The following UBE2E2 variants were observed in gnomAD, a reference collection of about 807,000 sequenced individuals.
The protein encoded by UBE2E2 is ubiquitin-conjugating enzyme E2 E2.
Under a neutral mutation model 24.7 loss-of-function variants are expected in UBE2E2, and 6 were observed. The observed-to-expected ratio is 0.24, with a 90% CI of 0.13 to 0.48. The LOEUF (loss-of-function observed/expected upper bound fraction) is 0.48. UBE2E2 is among the 20% of genes least tolerant of loss of function. The pLI, the probability that UBE2E2 is intolerant of heterozygous loss-of-function variation, is 0.99. For synonymous variants in UBE2E2, 104 were observed against 83.6 expected, an observed-to-expected ratio of 1.24 and a Z score of -1.33; for missense variants, 169 against 245.0, an observed-to-expected ratio of 0.69 and a Z score of 2.07.
chr3:23,373,275 A>C (rs1696440798), intron 3 of UBE2E2, among the ~76,000 whole-genome samples: 1 of 152,170 alleles, frequency 6.6e-6, no homozygotes, highest in Non-Finnish European at 1.5e-5. Flanking sequence ...CGGCTGGCTC[A>C]AATTCTGGAG....
chr3:23,271,574 A>G lies in UBE2E2; in HGVS notation c.227+54262A>G, dbSNP rs570635045. ...TATGGAGAGCTGATTGGTCCATTTT[A>G]CAGAGAGCTGATTGGTCCATTTTGA... is the stretch of plus-strand genomic sequence containing the variant. On this transcript the variant is annotated intron_variant, in intron 3 of 5. Transcript: ENST00000396703. Among the ~76,000 whole-genome samples, 19 of 152,198 alleles carry G rather than the reference A, an allele frequency of 1.2e-4. No individual in the cohort carries two copies. The East Asian group carries it at 3.5e-3, about 28-fold the overall frequency.
intron 5 of UBE2E2, among the ~76,000 whole-genome samples, chr3:23,579,427 A>T (rs1293116725): frequency 6.7e-6 from 1 of 148,676 alleles, no homozygotes; most frequent in South Asian, 2.1e-4. Context: ...GTGGTGACTC[A>T]TATCTGTAAT....
intron 5 of UBE2E2, among the ~76,000 whole-genome samples, chr3:23,538,325 A>G (rs1449287623): frequency 2.0e-5 from 3 of 152,170 alleles, no homozygotes; most frequent in South Asian, 4.1e-4. Flanking sequence ...ACTCTAATCA[A>G]TACTTCCAAA....
chr3:23,570,908 G>A (rs563418317), intron 5 of UBE2E2, among the ~76,000 whole-genome samples: 2 of 152,276 alleles, frequency 1.3e-5, no homozygotes, highest in East Asian at 3.9e-4. Flanking sequence ...TGCATTATTA[G>A]CATCTTCTTT....
rs567879546 is a variant in UBE2E2 at position 23,444,073 on chromosome 3, T to TG, written c.228-55535_228-55534insG. Among the ~76,000 whole-genome samples, 130 of 151,658 alleles carry TG rather than the reference T, an allele frequency of 8.6e-4. 1 individual carries two copies. The highest frequency in any genetic ancestry group is 2.9e-3 in the African/African-American group (118 of 41,254). Reference sequence around the variant, plus strand: ...TTTTCTTCACCAGTTTTGTTTTTTTTTTTTTTTTTGCCAGCTTGTGTTGCT... The same window carrying TG: ...TTTTCTTCACCAGTTTTGTTTTTTTTGTTTTTTTTTGCCAGCTTGTGTTGCT... On this transcript the variant is annotated intron_variant, in intron 3 of 5. Transcript: ENST00000396703.
At chr3:23,505,078 GTT>G (rs57451477) in intron 4 of UBE2E2, among the ~76,000 whole-genome samples, 73,431 of 139,076 alleles carry the variant, frequency 0.53, 19,261 homozygotes, top group East Asian at 0.73. Context: ...GCTAATTTTT[GTT>G]TTTTTTTTTG....
chr3:23,292,584 T>A (rs966742211), intron 3 of UBE2E2, among the ~76,000 whole-genome samples: 1 of 152,144 alleles, frequency 6.6e-6, no homozygotes, highest in Non-Finnish European at 1.5e-5. Context: ...GCAACAATTC[T>A]CAGTACTTCA....
intron 3 of UBE2E2, among the ~76,000 whole-genome samples, chr3:23,322,649 T>A (rs550771462): frequency 6.6e-6 from 1 of 152,074 alleles, no homozygotes; most frequent in Non-Finnish European, 1.5e-5. Flanking sequence ...ATCATTTTGA[T>A]GAAGTAATTA....
At chr3:23,243,876 ATT>A (rs1224643346) in intron 3 of UBE2E2, among the ~76,000 whole-genome samples, 2 of 152,022 alleles carry the variant, frequency 1.3e-5, no homozygotes, top group East Asian at 3.8e-4. Context: ...AACATTTTAC[ATT>A]TTATATTAAA....
intron 3 of UBE2E2, among the ~76,000 whole-genome samples, chr3:23,263,782 A>G (rs1697965921): frequency 6.6e-6 from 1 of 152,140 alleles, no homozygotes; most frequent in South Asian, 2.1e-4. Flanking sequence ...ATTTTTATAG[A>G]GCTTGGTTCA....
chr3:23,256,481 CTG>C (rs1697725272), intron 3 of UBE2E2, among the ~76,000 whole-genome samples: 1 of 150,420 alleles, frequency 6.6e-6, no homozygotes, highest in African/African-American at 2.4e-5. Context: ...ACAAAAAAAA[CTG>C]TAGCTTCAAA....
chr3:23,488,494 C>G (rs1056434143), intron 3 of UBE2E2, among the ~76,000 whole-genome samples: 1 of 152,192 alleles, frequency 6.6e-6, no homozygotes, highest in Non-Finnish European at 1.5e-5. Context: ...AGATAGTTAA[C>G]TGTCCCTCAG....
intron 3 of UBE2E2, among the ~76,000 whole-genome samples, chr3:23,269,640 C>A (rs969524445): frequency 6.6e-6 from 1 of 152,172 alleles, no homozygotes; most frequent in Non-Finnish European, 1.5e-5. Context: ...CTCAACTACT[C>A]TGGGCACCAA....
rs183415568 is a variant in UBE2E2, at chr3:23,312,117, G to A, written c.227+94805G>A. Among the ~76,000 whole-genome samples, 99 of 152,252 alleles carry A rather than the reference G, an allele frequency of 6.5e-4. 5 individuals are homozygous for A. The East Asian group carries it at 0.016, about 24-fold the overall frequency. ...CCTCTCTTTCTCCTACTCATAACAT[G>A]TGAGATGCCTGCTCGCCCTTTGCCT... On this transcript the variant is annotated intron_variant, in intron 3 of 5. Transcript: ENST00000396703.
At position 23,589,957 on chromosome 3, in the gene UBE2E2, G is replaced by A. The variant is rs912997826; in HGVS notation, c.*126G>A. ...TTTTTATTAAATTTGGAACCATTTTGTGATGGTATGTTGTCCATCTTCCCA... is the reference window on the plus strand; with the variant it reads ...TTTTTATTAAATTTGGAACCATTTTATGATGGTATGTTGTCCATCTTCCCA... On this transcript the variant is annotated 3_prime_UTR_variant, in exon 6 of 6. Transcript: ENST00000396703. This position sits in a 1 kb window ranked among gnomAD's most constrained non-coding sequence, Gnocchi z 4.1. 1 of 825,532 alleles carries A rather than the reference G, an allele frequency of 1.2e-6. No individual in the cohort carries two copies. 51.1% of individuals were successfully genotyped at this position (825,532 alleles called of 1,614,324 possible).
At chr3:23,588,995 A>G (rs1485104845) in intron 5 of UBE2E2, among the ~76,000 whole-genome samples, 1 of 152,140 alleles carries the variant, frequency 6.6e-6, no homozygotes, top group African/African-American at 2.4e-5. Context: ...GTAATCTGGC[A>G]GGAGAATGCC....
chr3:23,547,188 C>G (rs1290668325), intron 5 of UBE2E2, among the ~76,000 whole-genome samples: 2 of 152,214 alleles, frequency 1.3e-5, no homozygotes, highest in African/African-American at 4.8e-5. Context: ...ATAACTGTGT[C>G]AGGCTTTGCT....
At chr3:23,315,097 C>T (rs535342742) in intron 3 of UBE2E2, among the ~76,000 whole-genome samples, 1 of 152,086 alleles carries the variant, frequency 6.6e-6, no homozygotes, top group Non-Finnish European at 1.5e-5. Flanking sequence ...TAGGTTTGCC[C>T]TTTTAAGGAT....
chr3:23,342,642 G>A (rs539785214), intron 3 of UBE2E2, among the ~76,000 whole-genome samples: 1 of 152,058 alleles, frequency 6.6e-6, no homozygotes, highest in East Asian at 1.9e-4. Flanking sequence ...TTATTTATTC[G>A]TATGTGTATA....
Sources: allele counts gnomAD v4.1 joint callset (sites outside exome capture counted in the v4.1 genomes callset), GRCh38; gene constraint gnomAD v4.1.1; non-coding constraint Gnocchi (gnomAD v3.1); transcripts MANE v1.5; gene names NCBI Gene and HGNC (gene_info 2026-07-23, HGNC 2026-07-21).